The following PCLO variants were observed in gnomAD, a reference collection of about 807,000 sequenced individuals.
PCLO encodes the protein piccolo presynaptic cytomatrix protein, also known as protein piccolo.
Under a neutral mutation model 427.5 loss-of-function variants are expected in PCLO, and 82 were observed. The observed-to-expected ratio is 0.19, with a 90% confidence interval of 0.16 to 0.23. PCLO has a LOEUF of 0.23. PCLO is among the 10% of genes least tolerant of loss of function. The pLI, the probability that PCLO is intolerant of heterozygous loss-of-function variation, is 1.00. For synonymous variants in PCLO, 2,357 were observed against 2,155.4 expected (o/e 1.09, Z -2.59); for missense variants, 6,239 against 6,115.9 (o/e 1.02, Z -0.67).
intron 6 of PCLO, among the ~76,000 whole-genome samples, chr7:82,939,962 A>AG (rs1233494516): frequency 2.6e-5 from 4 of 152,078 alleles, no homozygotes; most frequent in Non-Finnish European, 5.9e-5. Context: ...ATCAAGGACA[A>AG]GAAATACTTT....
At chr7:82,959,663 C>T (rs1441692382) in intron 4 of PCLO, among the ~76,000 whole-genome samples, 1 of 152,048 alleles carries the variant, frequency 6.6e-6, no homozygotes. Flanking sequence ...TGTGTTCATG[C>T]TTTTCTTCTT....
At chr7:82,781,357 T>C (rs568327244) in intron 22 of PCLO, among the ~76,000 whole-genome samples, 24 of 151,028 alleles carry the variant, frequency 1.6e-4, no homozygotes, top group Non-Finnish European at 2.8e-4. Flanking sequence ...ACAGAGTACA[T>C]GTGCAGAACG....
chr7:83,035,737 T>C (rs1439819311), intron 3 of PCLO, among the ~76,000 whole-genome samples: 1 of 152,172 alleles, frequency 6.6e-6, no homozygotes, highest in Non-Finnish European at 1.5e-5. Flanking sequence ...AATTCAGAAA[T>C]ACCAATTCTT....
rs534471005 is a variant in PCLO, at chr7:82,761,989, C to T, written c.15008-496G>A. On this transcript the variant is annotated intron_variant, in intron 22 of 24. Coordinates refer to ENST00000333891, the MANE Select transcript of PCLO (RefSeq NM_033026.6). ...GGATATGACTCTATATCAATTCATG[C>T]GTTAATTCACTTATTCATTCTCCAA... 4.6e-5 allele frequency among the ~76,000 whole-genome samples: 7 copies of T among 152,142 alleles called. No homozygotes were observed. In the South Asian group the frequency reaches 6.2e-4, roughly 13 times the overall value.
Position 82,755,230 on chromosome 7 carries a change from G to A in PCLO, c.*3345C>T, listed in dbSNP as rs1157467630. On this transcript the variant is annotated 3_prime_UTR_variant, in exon 25 of 25. Transcript: ENST00000333891. ...GTGATCCACAAAATTAATTCCACTG[G>A]TATGCTGAAAATATGCGTTTAATTA... is the stretch of plus-strand genomic sequence containing the variant. 2.6e-5 allele frequency: 4 copies of A among 151,866 alleles called. No homozygotes were observed. 9.4% of individuals were successfully genotyped at this position (151,866 alleles called of 1,614,324 possible).
chr7:82,826,642 C>T lies in PCLO; in HGVS notation c.14362G>A (p.Glu4788Lys). ...SMEQLKKKTL[E>K]VTVWDYDRFS... ...CTATCATAATCCCAAACTGTCACCT[C>T]CAGTGTTTTCTTCTTGAGCTATATA... is the stretch of plus-strand genomic sequence containing the variant. The change falls in exon 18 of 25, where the codon GAG becomes AAG. Residue 4788 changes from glutamate (E) to lysine (K), a missense_variant. Glu to Lys is a moderately conservative substitution (Grantham distance 56, BLOSUM62 1). Transcript: ENST00000333891. 6.2e-7 allele frequency: 1 copy of T among 1,605,290 alleles called. No homozygotes were observed. Among genetic ancestry groups the T allele is most frequent in the Non-Finnish European group, 8.5e-7 (1 of 1,174,272 alleles).
intron 3 of PCLO, among the ~76,000 whole-genome samples, chr7:83,115,467 C>T (rs2116539543): frequency 6.6e-6 from 1 of 152,128 alleles, no homozygotes; most frequent in Non-Finnish European, 1.5e-5. Context: ...ACAATCTTCA[C>T]TGACCTATGA....
intron 3 of PCLO, among the ~76,000 whole-genome samples, chr7:83,011,718 T>C (rs182819386): frequency 6.6e-6 from 1 of 152,156 alleles, no homozygotes; most frequent in Admixed American, 6.5e-5. Context: ...TGACTAAATT[T>C]CATCTTGCTT....
chr7:82,822,309 A>T, intron 20 of PCLO, 186 bp downstream of exon 20: 3 of 1,427,360 alleles, frequency 2.1e-6, no homozygotes, highest in Non-Finnish European at 2.7e-6. Flanking sequence ...CTATGTAAAT[A>T]AAAAAAATCT....
intron 22 of PCLO, among the ~76,000 whole-genome samples, chr7:82,790,561 C>T (rs1791080144): frequency 6.6e-6 from 1 of 152,176 alleles, no homozygotes; most frequent in South Asian, 2.1e-4. Context: ...CTTTTCTTAT[C>T]CTTCCTACAG....
intron 3 of PCLO, among the ~76,000 whole-genome samples, chr7:83,040,007 T>C (rs114996435): frequency 0.021 from 3,161 of 152,238 alleles, 106 homozygotes; most frequent in African/African-American, 0.071. Flanking sequence ...ATTTCAAAAA[T>C]ATTGTTATTC....
chr7:82,987,491 A>G (rs1796282660), intron 3 of PCLO, among the ~76,000 whole-genome samples: 1 of 152,108 alleles, frequency 6.6e-6, no homozygotes, highest in African/African-American at 2.4e-5. Context: ...TTGTATGCCA[A>G]GAATAAGTAT....
intron 20 of PCLO, among the ~76,000 whole-genome samples, chr7:82,808,239 A>T (rs151305420): frequency 3.8e-4 from 58 of 151,972 alleles, no homozygotes; most frequent in African/African-American, 1.2e-3. Flanking sequence ...TAATTATTAG[A>T]CACTAATATT....
intron 9 of PCLO, among the ~76,000 whole-genome samples, chr7:82,900,051 C>T (rs1794002550): frequency 6.6e-6 from 1 of 151,456 alleles, no homozygotes; most frequent in African/African-American, 2.4e-5. Flanking sequence ...AACAAGAGCC[C>T]TTGGATTTTA....
intron 9 of PCLO, among the ~76,000 whole-genome samples, chr7:82,884,866 T>C: frequency 6.6e-6 from 1 of 152,176 alleles, no homozygotes; most frequent in East Asian, 1.9e-4. Context: ...AATAAAATGG[T>C]GTAAACTTAC....
chr7:82,783,656 A>G (rs938714266), intron 22 of PCLO, among the ~76,000 whole-genome samples: 1 of 152,244 alleles, frequency 6.6e-6, no homozygotes, highest in South Asian at 2.1e-4. Flanking sequence ...TGCACCCTAG[A>G]TGTAATGAAA....
chr7:82,878,406 A>C (rs1793425303), intron 10 of PCLO, among the ~76,000 whole-genome samples: 1 of 152,176 alleles, frequency 6.6e-6, no homozygotes, highest in South Asian at 2.1e-4. Flanking sequence ...AATGACAGAA[A>C]AACATTTATT....
intron 6 of PCLO, among the ~76,000 whole-genome samples, chr7:82,940,755 CTTTTTTTT>C (rs71531190): frequency 1.8e-5 from 2 of 109,138 alleles, no homozygotes; most frequent in Non-Finnish European, 3.6e-5. Context: ...TTTTTTCTTT[CTTTTTTTT>C]TTTTTTTTTT....
chr7:83,065,232 G>A (rs1160350632), intron 3 of PCLO, among the ~76,000 whole-genome samples: 1 of 151,794 alleles, frequency 6.6e-6, no homozygotes, highest in Non-Finnish European at 1.5e-5. Flanking sequence ...TTCCATATTT[G>A]CTCTTTTAAA....
Sources: allele counts gnomAD v4.1 joint callset (sites outside exome capture counted in the v4.1 genomes callset), GRCh38; gene constraint gnomAD v4.1.1; transcripts MANE v1.5; gene names NCBI Gene and HGNC (gene_info 2026-07-23, HGNC 2026-07-21).